Variants in F13B observed in about 807,000 individuals in gnomAD.
F13B encodes TGase.
Under a neutral mutation model 79.8 loss-of-function variants are expected in F13B, and 58 were observed. That is an observed-to-expected ratio of 0.73 (90% CI 0.59 to 0.90). The LOEUF is 0.90. F13B is among the 40% of genes least tolerant of loss of function. The pLI, the probability that F13B is intolerant of heterozygous loss-of-function variation, is 0.00. For synonymous variants in F13B, 283 were observed against 260.3 expected, an observed-to-expected ratio of 1.09 and a Z score of -0.84; for missense variants, 773 against 777.0, an observed-to-expected ratio of 0.99 and a Z score of 0.06.
At chr1:197,048,786 A>G (rs1386186431) in intron 10 of F13B, among the ~76,000 whole-genome samples, 5 of 151,212 alleles carry the variant, frequency 3.3e-5, no homozygotes, top group African/African-American at 1.2e-4. Flanking sequence ...TCCAATTCAC[A>G]TATATAAAAC....
At chr1:197,050,172 A>G (rs1655392817) in intron 10 of F13B, among the ~76,000 whole-genome samples, 1 of 152,128 alleles carries the variant, frequency 6.6e-6, no homozygotes, top group African/African-American at 2.4e-5. Flanking sequence ...AGAAGATAAG[A>G]GAAGTAAATA....
Position 197,052,537 on chromosome 1 carries a change from T to A in F13B, c.1555+97A>T, listed in dbSNP as rs1655484963. ...AATAAAACAAAATTAAAAAGAATAA[T>A]AATAAGAAAAATAGCAACAAACTAT... is the stretch of plus-strand genomic sequence containing the variant. On this transcript the variant is annotated intron_variant, in intron 9 of 11. Coordinates refer to ENST00000367412, the MANE Select transcript of F13B (RefSeq NM_001994.3). 3 of 778,116 alleles carry A rather than the reference T, an allele frequency of 3.9e-6. No individual in the cohort carries two copies. In the South Asian group the frequency reaches 5.8e-5, roughly 15 times the overall value. The allele number at this position is 778,116 out of a possible 1,614,324, so 48.2% of individuals were successfully genotyped here.
chr1:197,047,604 C>A (rs954250649), intron 10 of F13B, among the ~76,000 whole-genome samples: 1 of 152,124 alleles, frequency 6.6e-6, no homozygotes, highest in Admixed American at 6.6e-5. Flanking sequence ...GGATCTAGAA[C>A]TAGAAATACC....
chr1:197,057,053 A>G lies in F13B; in HGVS notation c.1131T>C (p.Thr377=). Residue 377 remains threonine (T), a synonymous_variant, in exon 7 of 12, where the codon ACT becomes ACC. Transcript: ENST00000367412. The part of the protein sequence containing the change: ...GYLLHGSNEI[T]CNRGKWTLPP... The stretch of plus-strand genomic sequence containing the variant: ...GAAGTGTCCATTTTCCACGATTACA[A>G]GTTATCTCATTCGATCCATGGAGAA... 1 of 1,613,820 alleles carries G rather than the reference A, an allele frequency of 6.2e-7. No homozygotes were observed. The highest frequency in any genetic ancestry group is 8.5e-7 in the Non-Finnish European group (1 of 1,179,894).
intron 10 of F13B, among the ~76,000 whole-genome samples, chr1:197,045,649 A>C (rs569490042): frequency 4.2e-4 from 64 of 152,362 alleles, no homozygotes; most frequent in Admixed American, 2.2e-3. Context: ...AATCCTCCCT[A>C]ATTCATTTAA....
chr1:197,039,466 AATTACAAT>A, intron 11 of F13B, 55 bp from the exon 12 acceptor site: 1 of 1,434,862 alleles, frequency 7.0e-7, no homozygotes, highest in Non-Finnish European at 9.8e-7. Context: ...GTCAGGTGTT[AATTACAAT>A]CTCAGCCTTT....
At chr1:197,053,575 C>T (rs1571560895) in intron 8 of F13B, among the ~76,000 whole-genome samples, 1 of 152,164 alleles carries the variant, frequency 6.6e-6, no homozygotes, top group East Asian at 1.9e-4. Context: ...AATCTCTTTC[C>T]TTTATAAATT....
intron 10 of F13B, among the ~76,000 whole-genome samples, chr1:197,045,686 A>C (rs1655202442): frequency 6.6e-6 from 1 of 152,216 alleles, no homozygotes; most frequent in Non-Finnish European, 1.5e-5. Context: ...CTGATATCAA[A>C]GCCTGGCAGA....
intron 8 of F13B, among the ~76,000 whole-genome samples, chr1:197,053,352 A>G (rs1655520901): frequency 6.6e-6 from 1 of 152,118 alleles, no homozygotes; most frequent in Non-Finnish European, 1.5e-5. Context: ...CATGGGAGGA[A>G]CCTGGTTGGA....
chr1:197,062,959 AT>A lies in F13B; in HGVS notation c.162del (p.Lys54AsnfsTer43). ...TAACCAGCCAAGCAGAAAAATGACAATTTTTTGTCTATGCTCATTGGAAAGT... is the reference window on the plus strand; with the variant it reads ...TAACCAGCCAAGCAGAAAAATGACAATTTTTGTCTATGCTCATTGGAAAGT... The part of the protein sequence containing the change: ...SFYFPMSIDK[K>X]LSFFCLAGYT... On this transcript the variant is annotated frameshift_variant, in exon 2 of 12. Transcript: ENST00000367412. LOFTEE classifies it high-confidence loss of function. 1 of 1,613,778 alleles carries A rather than the reference AT, an allele frequency of 6.2e-7. No homozygotes were observed. The highest frequency in any genetic ancestry group is 2.2e-5 in the East Asian group (1 of 44,846).
intron 5 of F13B, among the ~76,000 whole-genome samples, chr1:197,058,070 ATTTC>A (rs1444603141): frequency 6.6e-6 from 1 of 152,092 alleles, no homozygotes; most frequent in Non-Finnish European, 1.5e-5. Flanking sequence ...ATGGGAAATA[ATTTC>A]TTTGTGTTGT....
chr1:197,055,111 G>GAT (rs1413771445), intron 8 of F13B, among the ~76,000 whole-genome samples: 1 of 151,892 alleles, frequency 6.6e-6, no homozygotes, highest in African/African-American at 2.4e-5. Context: ...AAAAATCTAA[G>GAT]ATATATACCT....
At position 197,060,989 on chromosome 1, in the gene F13B, A is replaced by C; in HGVS notation, c.538T>G (p.Cys180Gly). 6.2e-7 allele frequency: 1 copy of C among 1,611,622 alleles called. No individual in the cohort carries two copies. Among genetic ancestry groups the C allele is most frequent in the Non-Finnish European group, 8.5e-7 (1 of 1,178,000 alleles). Reference protein sequence around the residue: ...FKVKDKVQYECATGYYTAGGK... With the variant: ...FKVKDKVQYEGATGYYTAGGK... ...CCAGCTGTGTAGTAGCCAGTAGCAC[A>C]TTCGTATTGTACTTTGTCCTTCACT... The change falls in exon 4 of 12, where the codon TGT becomes GGT. Residue 180 changes from cysteine (C) to glycine (G), a missense_variant. Physicochemically the swap from Cys to Gly is radical, Grantham distance 159 (BLOSUM62 -3). Coordinates refer to ENST00000367412, the MANE Select transcript of F13B (RefSeq NM_001994.3).
intron 10 of F13B, among the ~76,000 whole-genome samples, chr1:197,042,646 C>T (rs971980641): frequency 6.9e-6 from 1 of 144,304 alleles, no homozygotes; most frequent in African/African-American, 2.5e-5. Flanking sequence ...TGGTGAAACC[C>T]CATCTCTACA....
At chr1:197,057,265 C>A in intron 6 of F13B, 21 bp downstream of exon 6, 1 of 1,613,866 alleles carries the variant, frequency 6.2e-7, no homozygotes, top group Non-Finnish European at 8.5e-7. Context: ...TTTAGCAAAG[C>A]TTCTTCAAGG....
At chr1:197,044,064 T>C (rs904378946) in intron 10 of F13B, among the ~76,000 whole-genome samples, 1 of 151,316 alleles carries the variant, frequency 6.6e-6, no homozygotes, top group African/African-American at 2.4e-5. Context: ...TATTTATATA[T>C]ATATAGAGAG....
chr1:197,046,393 A>G (rs1303196051), intron 10 of F13B, among the ~76,000 whole-genome samples: 1 of 152,236 alleles, frequency 6.6e-6, no homozygotes, highest in Non-Finnish European at 1.5e-5. Flanking sequence ...GAGCCAAATT[A>G]TGAGTGAACC....
rs138809324 is a variant in F13B, at chr1:197,060,227, G to A, written c.805+139C>T. ...ATTAAAGATTGCTGAAAATAGCACT[G>A]ATTTAAAAGATAATATTTATTTTAA... On this transcript the variant is annotated intron_variant, in intron 5 of 11. Coordinates refer to ENST00000367412, the MANE Select transcript of F13B (RefSeq NM_001994.3). 523 of 578,888 alleles carry A rather than the reference G, an allele frequency of 9.0e-4. 6 individuals are homozygous for A. In the East Asian group the frequency reaches 0.014, roughly 15 times the overall value. The allele number at this position is 578,888 out of a possible 1,614,324, so 35.9% of individuals were successfully genotyped here.
chr1:197,052,120 T>C (rs2125063852), intron 9 of F13B, among the ~76,000 whole-genome samples: 1 of 152,306 alleles, frequency 6.6e-6, no homozygotes, highest in South Asian at 2.1e-4. Context: ...CTGAATGGTA[T>C]TGCCTAGGTT....
Sources: gnomAD v4.1 joint callset for allele counts (sites outside exome capture counted in the v4.1 genomes callset) on GRCh38, gnomAD v4.1.1 for gene constraint, MANE v1.5 for transcripts, NCBI Gene and HGNC (gene_info 2026-07-23, HGNC 2026-07-21) for gene names.